The following CRBN variants were observed in gnomAD, a reference collection of about 807,000 sequenced individuals.
The protein encoded by CRBN is protein cereblon.
Under a neutral mutation model 62.2 loss-of-function variants are expected in CRBN, and 53 were observed. The ratio of observed to expected loss-of-function variants is 0.85; its 90% CI spans 0.68 to 1.07. CRBN has a LOEUF of 1.07. CRBN is among the 50% of genes least tolerant of loss of function. The pLI is 0.00. For missense variants in CRBN, 616 were observed against 531.1 expected (o/e 1.16, Z -1.57); for synonymous variants, 208 against 176.1 (o/e 1.18, Z -1.43).
At chr3:3,170,343 T>C (rs1451182083) in intron 4 of CRBN, among the ~76,000 whole-genome samples, 1 of 152,238 alleles carries the variant, frequency 6.6e-6, no homozygotes, top group Non-Finnish European at 1.5e-5. Flanking sequence ...TTATATTTTT[T>C]AATTTTTATT....
intron 5 of CRBN, among the ~76,000 whole-genome samples, chr3:3,158,107 G>A (rs1672766): frequency 0.68 from 103,480 of 152,094 alleles, 37,116 homozygotes; most frequent in Middle Eastern, 0.82. Flanking sequence ...GACCAGTCTC[G>A]TGGAAAACAG....
chr3:3,150,714 T>A lies in CRBN; in HGVS notation c.*151A>T, dbSNP rs1706470633. 1.3e-6 allele frequency: 1 copy of A among 752,106 alleles called. No individual in the cohort carries two copies. Among genetic ancestry groups the A allele is most frequent in the African/African-American group, 1.8e-5 (1 of 56,908 alleles). The allele number at this position is 752,106 out of a possible 1,614,324, so 46.6% of individuals were successfully genotyped here. ...ATACTTAAAAGTTTCAAATACAGTT[T>A]CACTTAGAAACTGCAACCCTCCAAG... On this transcript the variant is annotated 3_prime_UTR_variant, in exon 11 of 11. Coordinates refer to ENST00000231948, the MANE Select transcript of CRBN (RefSeq NM_016302.4).
At chr3:3,156,552 G>C (rs896517698) in intron 5 of CRBN, 1 of 467,678 alleles carries the variant, frequency 2.1e-6, no homozygotes, top group Admixed American at 3.7e-5. Context: ...ACTTTGGGAA[G>C]ATAAATGTTG....
At chr3:3,158,329 C>T (rs6784329) in intron 5 of CRBN, among the ~76,000 whole-genome samples, 19,652 of 152,144 alleles carry the variant, frequency 0.13, 1,390 homozygotes, top group Admixed American at 0.17. Flanking sequence ...ACCGGCTGTG[C>T]GTCCCGGTTC....
chr3:3,179,692 G>C (rs1707996790), upstream of CRBN: 1 of 1,612,984 alleles, frequency 6.2e-7, no homozygotes, highest in East Asian at 2.2e-5. Flanking sequence ...GGCCATGTCT[G>C]TTTACCCGCA....
chr3:3,152,568 T>A lies in CRBN; in HGVS notation c.1036A>T (p.Met346Leu). 1.2e-6 allele frequency: 2 copies of A among 1,614,092 alleles called. No homozygotes were observed. The highest frequency in any genetic ancestry group is 1.7e-6 in the Non-Finnish European group (2 of 1,180,014). Residue 346 changes from methionine (M) to leucine (L), a missense_variant, in exon 10 of 11, where the codon ATG (methionine) becomes TTG (leucine). Physicochemically the swap from Met to Leu is conservative, Grantham distance 15. Transcript: ENST00000231948. ...CCATGAGGATTCACATAAGCTGCCATCGGCCCACATAAGGATAAACTAAAA... is the reference window on the plus strand; with the variant it reads ...CCATGAGGATTCACATAAGCTGCCAACGGCCCACATAAGGATAAACTAAAA... The part of the protein sequence containing the change: ...EIFSLSLCGP[M>L]AAYVNPHGYV...
intron 5 of CRBN, among the ~76,000 whole-genome samples, chr3:3,158,558 A>G (rs971569819): frequency 6.6e-6 from 1 of 152,250 alleles, no homozygotes; most frequent in Non-Finnish European, 1.5e-5. Context: ...ACAGAATTTA[A>G]GAAAATACTA....
chr3:3,178,426 G>C (rs1158122448), intron 1 of CRBN, among the ~76,000 whole-genome samples: 1 of 150,572 alleles, frequency 6.6e-6, no homozygotes, highest in Non-Finnish European at 1.5e-5. Context: ...ACCTAAAACT[G>C]TTTCTTGGCA....
intron 5 of CRBN, among the ~76,000 whole-genome samples, chr3:3,158,208 A>G (rs1488160887): frequency 6.6e-6 from 1 of 152,156 alleles, no homozygotes; most frequent in African/African-American, 2.4e-5. Flanking sequence ...CGCAGTCTAG[A>G]TCCCTCCCAT....
In CRBN at chr3:3,157,912, C is replaced by G. The variant is rs548786202; in HGVS notation, c.688-1631G>C. On this transcript the variant is annotated intron_variant, in intron 5 of 10. Coordinates refer to ENST00000231948, the MANE Select transcript of CRBN (RefSeq NM_016302.4). ...AGATGTTCAGTTTAGAGCTGTCTCT[C>G]AAGTGGACACACTGGTTTTCAAATA... Among the ~76,000 whole-genome samples the G allele has an allele frequency of 7.2e-5, 11 of 152,302 alleles. No individual in the cohort carries two copies. In the East Asian group the frequency reaches 1.4e-3, roughly 19 times the overall value.
intron 8 of CRBN, 71 bp downstream of exon 8, chr3:3,153,889 C>T: frequency 1.1e-6 from 1 of 925,582 alleles, no homozygotes; most frequent in Non-Finnish European, 1.8e-6. Context: ...GCTCCATTGG[C>T]CCCAACAGAG....
rs1025675129 is a variant in CRBN at position 3,150,125 on chromosome 3, C to T, written c.*740G>A. 2 of 152,000 alleles carry T rather than the reference C, an allele frequency of 1.3e-5. No individual in the cohort carries two copies. The highest frequency in any genetic ancestry group is 4.8e-5 in the African/African-American group (2 of 41,390). 9.4% of individuals were successfully genotyped at this position (152,000 alleles called of 1,614,324 possible). A position where few individuals can be genotyped will look rare whatever the true frequency, so the allele number is the denominator to read the frequency against. ...AGGGGACATGTTTTGGCATCTTTTCCCTATAGTAGTAGTTTTGGTTCAAAT... is the reference window on the plus strand; with the variant it reads ...AGGGGACATGTTTTGGCATCTTTTCTCTATAGTAGTAGTTTTGGTTCAAAT... On this transcript the variant is annotated 3_prime_UTR_variant, in exon 11 of 11. Coordinates refer to ENST00000231948, the MANE Select transcript of CRBN (RefSeq NM_016302.4).
Position 3,167,700 on chromosome 3 carries a change from T to G in CRBN, c.621A>C (p.Ile207=), listed in dbSNP as rs1367120484. ...CTCTTGAGACAGGTTTTGAAGGAAA[T>G]ATCTGGCACTTATTGAGGGATTCTA... The part of the protein sequence containing the change: ...VQLESLNKCQ[I]FPSKPVSRED... Residue 207 remains isoleucine (I), a synonymous_variant, in exon 5 of 11, where the codon ATA becomes ATC. Transcript: ENST00000231948. 14 of 1,613,486 alleles carry G rather than the reference T, an allele frequency of 8.7e-6. No individual in the cohort carries two copies. The East Asian group carries it at 3.1e-4, about 36-fold the overall frequency.
intron 5 of CRBN, among the ~76,000 whole-genome samples, chr3:3,158,955 T>G (rs1707024727): frequency 6.6e-6 from 1 of 152,214 alleles, no homozygotes; most frequent in African/African-American, 2.4e-5. Context: ...GCCATGGTTT[T>G]CTCATGATAG....
intron 5 of CRBN, among the ~76,000 whole-genome samples, chr3:3,158,720 T>C (rs944011367): frequency 5.3e-5 from 8 of 152,174 alleles, no homozygotes; most frequent in Non-Finnish European, 1.0e-4. Flanking sequence ...CACACAAGGA[T>C]GGTATAACTT....
At chr3:3,154,888 T>C in intron 6 of CRBN, 57 bp from the exon 7 acceptor site, 1 of 992,056 alleles carries the variant, frequency 1.0e-6, no homozygotes, top group Non-Finnish European at 1.6e-6. Context: ...AAATTTACTA[T>C]TAAGCTTTTC....
At chr3:3,173,966 A>T in intron 3 of CRBN, 93 bp downstream of exon 3, 1 of 1,086,984 alleles carries the variant, frequency 9.2e-7, no homozygotes, top group East Asian at 2.4e-5. Flanking sequence ...TCTCCTGTAC[A>T]TGCGAAATAA....
rs780239031 is a variant in CRBN at position 3,175,234 on chromosome 3, C to T, written c.103G>A (p.Asp35Asn). 1.9e-6 allele frequency: 3 copies of T among 1,612,874 alleles called. No homozygotes were observed. The highest frequency in any genetic ancestry group is 2.7e-5 in the African/African-American group (2 of 74,814). Residue 35 changes from aspartate (D) to asparagine (N), a missense_variant, in exon 2 of 11, where the codon GAC becomes AAC. By Grantham distance (23) the Asp-to-Asn change is conservative. Coordinates refer to ENST00000231948, the MANE Select transcript of CRBN (RefSeq NM_016302.4). ...TTTTTGGCTTCTTTACTATCCTGGT[C>T]TTCAACTTCCATTTCATCTTCTTCC... ...SEEEDEMEVE[D>N]QDSKEAKKPN...
intron 6 of CRBN, chr3:3,155,873 C>A (rs772856497): frequency 3.5e-5 from 9 of 254,456 alleles, no homozygotes; most frequent in Non-Finnish European, 6.1e-5. Context: ...GTGACACAAT[C>A]TCAGCTCACG....
Sources: allele counts gnomAD v4.1 joint callset (sites outside exome capture counted in the v4.1 genomes callset), GRCh38; gene constraint gnomAD v4.1.1; transcripts MANE v1.5; gene names NCBI Gene and HGNC (gene_info 2026-07-23, HGNC 2026-07-21).